TRIM2: variants seen among roughly 807,000 people sequenced by gnomAD.
TRIM2 encodes tripartite motif containing 2.
In TRIM2, 20 loss-of-function variants were observed where a neutral mutation model predicts 75.2. The observed-to-expected ratio is 0.27, with a 90% CI of 0.19 to 0.39. The LOEUF (loss-of-function observed/expected upper bound fraction) is 0.39. Ranked by LOEUF, TRIM2 falls within the 10% of genes least tolerant of loss-of-function variation. The probability of loss-of-function intolerance (pLI) is 1.00; values close to 1 mark genes in which losing one functional copy is unlikely to be tolerated. For synonymous variants in TRIM2, 373 were observed against 388.3 expected (o/e 0.96, Z 0.46); for missense variants, 660 against 990.8 (o/e 0.67, Z 4.48).
intron 3 of TRIM2, among the ~76,000 whole-genome samples, chr4:153,278,398 G>A (rs771229928): frequency 3.3e-5 from 5 of 152,162 alleles, no homozygotes; most frequent in African/African-American, 4.8e-5. Context: ...ACAGGTATGC[G>A]CCACTGTGCC....
At chr4:153,286,652 A>G (rs1760683622) in intron 3 of TRIM2, among the ~76,000 whole-genome samples, 1 of 151,918 alleles carries the variant, frequency 6.6e-6, no homozygotes, top group Non-Finnish European at 1.5e-5. Flanking sequence ...TTTTATTTCT[A>G]TGATGTCAGT....
At chr4:153,272,829 TTTTGTTTG>T (rs72266656) in intron 2 of TRIM2, among the ~76,000 whole-genome samples, 47 of 151,568 alleles carry the variant, frequency 3.1e-4, no homozygotes, top group African/African-American at 1.0e-3. Flanking sequence ...AAATGGGGTT[TTTTGTTTG>T]TTTGTTTGTT....
At chr4:153,284,964 T>G (rs1423399739) in intron 3 of TRIM2, among the ~76,000 whole-genome samples, 1 of 152,190 alleles carries the variant, frequency 6.6e-6, no homozygotes, top group African/African-American at 2.4e-5. Context: ...ATTTCTCTAT[T>G]TTTTTCTTTT....
Position 153,315,815 on chromosome 4 carries a change from T to A in TRIM2, c.1615-17T>A. Reference sequence around the variant, plus strand: ...CTGTACTAGTTCACATTCCAATGAATGTAATTTATCTTACAGATATTTTCC... The same window carrying A: ...CTGTACTAGTTCACATTCCAATGAAAGTAATTTATCTTACAGATATTTTCC... On this transcript the variant is annotated splice_polypyrimidine_tract_variant and intron_variant, in intron 7 of 11. Transcript: ENST00000338700. 6.2e-7 allele frequency: 1 copy of A among 1,614,110 alleles called. No individual in the cohort carries two copies. The highest frequency in any genetic ancestry group is 8.5e-7 in the Non-Finnish European group (1 of 1,179,966).
chr4:153,290,878 C>G (rs1241763160), intron 3 of TRIM2, among the ~76,000 whole-genome samples: 4 of 152,190 alleles, frequency 2.6e-5, no homozygotes, highest in Non-Finnish European at 1.5e-5. Flanking sequence ...ATCCTCCCAC[C>G]TTGGCCTTCC....
chr4:153,291,032 C>G (rs1036887292), intron 3 of TRIM2, among the ~76,000 whole-genome samples: 1 of 151,552 alleles, frequency 6.6e-6, no homozygotes, highest in Non-Finnish European at 1.5e-5. Flanking sequence ...GAAATTACAG[C>G]CTTATATGAC....
At chr4:153,275,130 G>T (rs1757728247) in intron 2 of TRIM2, among the ~76,000 whole-genome samples, 2 of 152,206 alleles carry the variant, frequency 1.3e-5, no homozygotes, top group Non-Finnish European at 2.9e-5. Flanking sequence ...TCTTGGACAA[G>T]TACGCTGGCC....
In TRIM2 at chr4:153,328,562, G is replaced by A. The variant is rs138490175; in HGVS notation, c.2055G>A (p.Lys685=). Residue 685 remains lysine, a synonymous_variant, in exon 11 of 12, where the codon AAG becomes AAA. Transcript: ENST00000338700. ...ATCAGGAAGGAGAATTCATGTTGAA[G>A]TTTGGCTCAAATGGAGAAGGAAATG... ...VFNQEGEFML[K]FGSNGEGNGQ... 8.6e-5 allele frequency: 139 copies of A among 1,613,080 alleles called. 2 individuals carry two copies. The African/African-American group carries it at 1.7e-3, about 20-fold the overall frequency.
chr4:153,273,442 A>ATTTTTTTTTTTTTTTTT (rs11459214), intron 2 of TRIM2, among the ~76,000 whole-genome samples: 6 of 77,676 alleles, frequency 7.7e-5, no homozygotes, highest in African/African-American at 4.6e-4. Flanking sequence ...CGCCCGGCTA[A>ATTTTTTTTTTTTTTTTT]TTTTTTTTTT....
At chr4:153,291,107 A>G (rs1391453525) in intron 3 of TRIM2, among the ~76,000 whole-genome samples, 1 of 152,186 alleles carries the variant, frequency 6.6e-6, no homozygotes, top group Non-Finnish European at 1.5e-5. Context: ...CTATGTACCT[A>G]CTTGAAACTA....
intron 1 of TRIM2, among the ~76,000 whole-genome samples, chr4:153,192,240 A>G (rs1733268990): frequency 6.6e-6 from 1 of 152,212 alleles, no homozygotes; most frequent in South Asian, 2.1e-4. Flanking sequence ...TGTATTCTAA[A>G]AAGTGTCAAG....
rs2289409 is a variant in TRIM2, at chr4:153,276,082, T to G, written c.405T>G (p.Thr135=). The change falls in exon 3 of 12, where the codon ACT becomes ACG. Residue 135 remains threonine (T), a synonymous_variant. Transcript: ENST00000338700. ...AEESSILETV[T]AVAAGKPLSC... Reference sequence around the variant, plus strand: ...AGTCTTCCATCCTGGAGACAGTCACTGCTGTGGCTGCGGGAAAGCCTCTCT... The same window carrying G: ...AGTCTTCCATCCTGGAGACAGTCACGGCTGTGGCTGCGGGAAAGCCTCTCT... 0.17 allele frequency: 282,218 copies of G among 1,614,034 alleles called. 26,777 individuals are homozygous for G. The highest frequency in any genetic ancestry group is 0.34 in the African/African-American group (25,567 of 74,982).
intron 1 of TRIM2, among the ~76,000 whole-genome samples, chr4:153,245,942 G>A (rs909374019): frequency 6.6e-6 from 1 of 152,184 alleles, no homozygotes; most frequent in Non-Finnish European, 1.5e-5. Flanking sequence ...GCCTCTGAAA[G>A]TGCTGGGATT....
rs1334432568 is a variant in TRIM2, at chr4:153,334,718, A to AC, written c.2164-96_2164-95insC. 4 of 1,200,564 alleles carry AC rather than the reference A, an allele frequency of 3.3e-6. No individual in the cohort carries two copies. In the African/African-American group the frequency reaches 6.1e-5, roughly 18 times the overall value. 74.4% of individuals were successfully genotyped at this position (1,200,564 alleles called of 1,614,324 possible). A position where few individuals can be genotyped will look rare whatever the true frequency, so the allele number is the denominator to read the frequency against. Reference sequence around the variant, plus strand: ...GAGACCCTGTCAAAAAGAAAGAAAGAAACAGAAAAACATTAGCATCAAGAG... The same window carrying AC: ...GAGACCCTGTCAAAAAGAAAGAAAGACAACAGAAAAACATTAGCATCAAGAG... On this transcript the variant is annotated intron_variant, in intron 11 of 11. Coordinates refer to ENST00000338700, the MANE Select transcript of TRIM2 (RefSeq NM_015271.5).
rs550053303 is a variant in TRIM2, at chr4:153,272,509, C to T, written c.215+1990C>T. On this transcript the variant is annotated intron_variant, in intron 2 of 11. Coordinates refer to ENST00000338700, the MANE Select transcript of TRIM2 (RefSeq NM_015271.5). Reference sequence around the variant, plus strand: ...ATTTATTAATTTATTTATTTTGAGACAGGATCTCACTCTGTCACCCAGTCT... The same window carrying T: ...ATTTATTAATTTATTTATTTTGAGATAGGATCTCACTCTGTCACCCAGTCT... Among the ~76,000 whole-genome samples the T allele has an allele frequency of 7.3e-5, 11 of 150,136 alleles. No homozygotes were observed. In the East Asian group the frequency reaches 2.2e-3, roughly 29 times the overall value.
rs113117982 is a variant in TRIM2 at position 153,216,528 on chromosome 4, C to T, written c.30+11968C>T. 2.5e-3 allele frequency among the ~76,000 whole-genome samples: 383 copies of T among 152,322 alleles called. 2 individuals are homozygous for T. The highest frequency in any genetic ancestry group is 7.7e-3 in the African/African-American group (320 of 41,572). ...AGAATAAGAGGGCAGCTTGTACATT[C>T]TTTTGACAAAAGGAGGCATGTCTCT... On this transcript the variant is annotated intron_variant, in intron 1 of 11. Coordinates refer to ENST00000338700, the MANE Select transcript of TRIM2 (RefSeq NM_015271.5).
At chr4:153,256,407 C>A (rs1317725674) in intron 1 of TRIM2, among the ~76,000 whole-genome samples, 1 of 152,162 alleles carries the variant, frequency 6.6e-6, no homozygotes, top group African/African-American at 2.4e-5. Context: ...TATGCAGATG[C>A]CCAGTTTTTT....
chr4:153,221,982 GGAAGGGAGAGA>G (rs1740476877), intron 1 of TRIM2, among the ~76,000 whole-genome samples: 1 of 41,506 alleles, frequency 2.4e-5, no homozygotes, highest in Non-Finnish European at 4.9e-5. Context: ...GAGGAAGGAA[GGAAGGGAGAGA>G]GGAAGGAAGG....
chr4:153,321,854 T>C (rs570538243), intron 8 of TRIM2, among the ~76,000 whole-genome samples: 98 of 152,336 alleles, frequency 6.4e-4, no homozygotes, highest in Non-Finnish European at 1.1e-3. Context: ...TTTTACTTAA[T>C]ACATCTTCCA....
Sources: gnomAD v4.1 joint callset for allele counts (sites outside exome capture counted in the v4.1 genomes callset) on GRCh38, gnomAD v4.1.1 for gene constraint, MANE v1.5 for transcripts, NCBI Gene and HGNC (gene_info 2026-07-23, HGNC 2026-07-21) for gene names.